The following ERC1 variants were observed in gnomAD, a reference collection of about 807,000 sequenced individuals.
The protein encoded by ERC1 is ELKS/RAB6-interacting/CAST family member 1.
ERC1 carries 56 observed loss-of-function variants against 132.0 expected under a neutral mutation model. The ratio of observed to expected loss-of-function variants is 0.42; its 90% CI spans 0.34 to 0.53. The LOEUF (loss-of-function observed/expected upper bound fraction) is 0.53, where lower values mean the gene tolerates loss of function less well. Among genes scored for constraint, ERC1 ranks in the 20% least tolerant of loss-of-function variants. The pLI, the probability that ERC1 is intolerant of heterozygous loss-of-function variation, is 0.03. For synonymous variants in ERC1, 478 were observed against 476.1 expected, an observed-to-expected ratio of 1.00 and a Z score of -0.05; for missense variants, 1,202 against 1,349.9, an observed-to-expected ratio of 0.89 and a Z score of 1.72.
At chr12:1,107,260 A>T (rs1465307812) in intron 4 of ERC1, among the ~76,000 whole-genome samples, 5 of 151,922 alleles carry the variant, frequency 3.3e-5, no homozygotes, top group African/African-American at 7.3e-5. Context: ...ACAGGGAAGA[A>T]TGACTGTACT....
At chr12:1,298,313 G>T (rs189132849) in intron 15 of ERC1, among the ~76,000 whole-genome samples, 1 of 151,984 alleles carries the variant, frequency 6.6e-6, no homozygotes, top group Non-Finnish European at 1.5e-5. Flanking sequence ...AGCCCAAGGC[G>T]CACGGATCAC....
At chr12:1,405,563 C>T (rs1000493050) in intron 16 of ERC1, among the ~76,000 whole-genome samples, 11 of 152,030 alleles carry the variant, frequency 7.2e-5, no homozygotes, top group South Asian at 2.1e-4. Flanking sequence ...AATAGCCGGG[C>T]GTGGTGGCAG....
chr12:1,186,724 A>T (rs141730863), intron 11 of ERC1, among the ~76,000 whole-genome samples: 1 of 152,260 alleles, frequency 6.6e-6, no homozygotes, highest in African/African-American at 2.4e-5. Flanking sequence ...AAACACCTTC[A>T]TCCAGAAAAT....
chr12:1,495,472 C>G lies in ERC1; in HGVS notation c.*5242C>G. On this transcript the variant is annotated 3_prime_UTR_variant, in exon 19 of 19. Transcript: ENST00000360905. Reference sequence around the variant, plus strand: ...AGCAGGCCCTCTGGGTCCAGCCCCTCATTCCACACCACGCCAGTATTGCAT... The same window carrying G: ...AGCAGGCCCTCTGGGTCCAGCCCCTGATTCCACACCACGCCAGTATTGCAT... 4.4e-6 allele frequency: 1 copy of G among 229,246 alleles called. No homozygotes were observed. The highest frequency in any genetic ancestry group is 1.8e-4 in the South Asian group (1 of 5,498). 14.2% of individuals were successfully genotyped at this position (229,246 alleles called of 1,614,324 possible). A position where few individuals can be genotyped will look rare whatever the true frequency, so the allele number is the denominator to read the frequency against.
chr12:1,029,391 A>G (rs1305053142), intron 2 of ERC1, among the ~76,000 whole-genome samples: 1 of 152,202 alleles, frequency 6.6e-6, no homozygotes, highest in African/African-American at 2.4e-5. Context: ...ATTAAGTACA[A>G]ACAATAAGTA....
intron 6 of ERC1, 67 bp from the exon 7 acceptor site, chr12:1,115,799 G>C: frequency 1.5e-6 from 2 of 1,334,746 alleles, no homozygotes; most frequent in Non-Finnish European, 1.0e-6. Flanking sequence ...TCAGATCTGT[G>C]AAAGATACAG....
chr12:1,445,079 A>G (rs2154411523), intron 18 of ERC1: 1 of 239,276 alleles, frequency 4.2e-6, no homozygotes, highest in Non-Finnish European at 8.1e-6. Flanking sequence ...TGAAATATGT[A>G]TACATTGTGG....
rs188613406 is a variant in ERC1, at chr12:1,440,353, C to T, written c.3025-4209C>T. Among the ~76,000 whole-genome samples, 603 of 149,658 alleles carry T rather than the reference C, an allele frequency of 4.0e-3. 3 individuals are homozygous for T. The highest frequency in any genetic ancestry group is 7.8e-3 in the Admixed American group (118 of 15,058). On this transcript the variant is annotated intron_variant, in intron 17 of 18. Coordinates refer to ENST00000360905, the MANE Select transcript of ERC1 (RefSeq NM_178040.4). ...CCGAGTAGCTGGGACTACAGACGCC[C>T]GCCACCACGCCCGGCTAATTTTTTT...
At chr12:1,387,742 A>G (rs1400898371) in intron 16 of ERC1, among the ~76,000 whole-genome samples, 1 of 152,202 alleles carries the variant, frequency 6.6e-6, no homozygotes, top group African/African-American at 2.4e-5. Context: ...TGCCAACACC[A>G]TACTTTTGGA....
intron 1 of ERC1, among the ~76,000 whole-genome samples, chr12:1,021,001 G>A (rs777964815): frequency 7.9e-5 from 12 of 152,090 alleles, no homozygotes; most frequent in African/African-American, 2.2e-4. Flanking sequence ...GTGCAGTGGC[G>A]CAGTCTGGGC....
At chr12:1,221,475 T>C (rs1358842668) in intron 12 of ERC1, among the ~76,000 whole-genome samples, 1 of 152,208 alleles carries the variant, frequency 6.6e-6, no homozygotes, top group East Asian at 1.9e-4. Flanking sequence ...GAATTGATCA[T>C]TTAAAGTATT....
chr12:1,039,046 C>A (rs567397269), intron 2 of ERC1, among the ~76,000 whole-genome samples: 1 of 151,482 alleles, frequency 6.6e-6, no homozygotes, highest in African/African-American at 2.4e-5. Context: ...TCTTAAAAAA[C>A]AAAATTAGGG....
intron 4 of ERC1, among the ~76,000 whole-genome samples, chr12:1,108,258 A>G (rs1593340144): frequency 6.6e-6 from 1 of 152,294 alleles, no homozygotes; most frequent in African/African-American, 2.4e-5. Flanking sequence ...CTAATTTGTC[A>G]AAAGCTGCCT....
chr12:1,457,199 G>A (rs1381010169), intron 18 of ERC1, among the ~76,000 whole-genome samples: 1 of 152,174 alleles, frequency 6.6e-6, no homozygotes, highest in East Asian at 1.9e-4. Context: ...ATACCACCTA[G>A]GTCTGTGTAA....
intron 15 of ERC1, among the ~76,000 whole-genome samples, chr12:1,300,304 A>T (rs2080289960): frequency 6.6e-6 from 1 of 152,224 alleles, no homozygotes. Context: ...TACACCATAT[A>T]CAAAAATCAA....
At chr12:1,423,308 C>G (rs2092494962) in intron 17 of ERC1, among the ~76,000 whole-genome samples, 1 of 152,180 alleles carries the variant, frequency 6.6e-6, no homozygotes, top group South Asian at 2.1e-4. Context: ...TTCATCAGAA[C>G]CCCCCACCAC....
chr12:997,353 T>G (rs934481558), intron 1 of ERC1, among the ~76,000 whole-genome samples: 1 of 152,224 alleles, frequency 6.6e-6, no homozygotes. Context: ...TACGAACATA[T>G]GTGTCCTAGA....
intron 15 of ERC1, among the ~76,000 whole-genome samples, chr12:1,338,699 T>C (rs1024436095): frequency 6.6e-6 from 1 of 152,220 alleles, no homozygotes; most frequent in Admixed American, 6.5e-5. Context: ...CTTGCTGACC[T>C]TTGGATAGTT....
chr12:1,207,564 T>C (rs1234289356), intron 12 of ERC1, among the ~76,000 whole-genome samples: 1 of 152,234 alleles, frequency 6.6e-6, no homozygotes, highest in East Asian at 1.9e-4. Flanking sequence ...TGTAACATCT[T>C]CTCTGTTAAA....
Sources: gnomAD v4.1 joint callset for allele counts (sites outside exome capture counted in the v4.1 genomes callset) on GRCh38, gnomAD v4.1.1 for gene constraint, MANE v1.5 for transcripts, NCBI Gene and HGNC (gene_info 2026-07-23, HGNC 2026-07-21) for gene names.